CUX1: variants seen among roughly 807,000 people sequenced by gnomAD.
The protein encoded by CUX1 is protein CASP.
CUX1 carries 31 observed loss-of-function variants against 158.8 expected under a neutral mutation model. That is an observed-to-expected ratio of 0.20 (90% confidence interval 0.15 to 0.26). The LOEUF (loss-of-function observed/expected upper bound fraction) is 0.26. Among genes scored for constraint, CUX1 ranks in the 10% least tolerant of loss-of-function variants. The probability of loss-of-function intolerance (pLI) is 1.00; values close to 1 mark genes in which losing one functional copy is unlikely to be tolerated. For missense variants in CUX1, 1,589 were observed against 2,014.6 expected (o/e 0.79, Z 4.04); for synonymous variants, 879 against 862.1 (o/e 1.02, Z -0.34).
chr7:101,897,579 A>T (rs553581153), intron 1 of CUX1, among the ~76,000 whole-genome samples: 1 of 152,310 alleles, frequency 6.6e-6, no homozygotes, highest in African/African-American at 2.4e-5. Flanking sequence ...GATATCTAAC[A>T]ACACAATTGG....
chr7:101,983,219 G>T (rs1047109045), intron 2 of CUX1, among the ~76,000 whole-genome samples: 1 of 152,288 alleles, frequency 6.6e-6, no homozygotes, highest in Non-Finnish European at 1.5e-5. Flanking sequence ...TTGAATATAA[G>T]ATCTTTCTTT....
At chr7:101,908,450 T>TTTTGTTTGTTTGTTTG (rs59267502) in intron 1 of CUX1, among the ~76,000 whole-genome samples, 136 of 150,294 alleles carry the variant, frequency 9.0e-4, no homozygotes, top group Non-Finnish European at 1.1e-3. Flanking sequence ...CCAGCCTGTT[T>TTTTGTTTGTTTGTTTG]TTTGTTTGTT....
intron 11 of CUX1, among the ~76,000 whole-genome samples, chr7:102,181,366 G>T (rs1016205333): frequency 6.6e-6 from 1 of 152,150 alleles, no homozygotes; most frequent in Non-Finnish European, 1.5e-5. Flanking sequence ...CCCCAGCAAC[G>T]GCATTATGAT....
At chr7:102,112,553 CT>C (rs1227436020) in intron 7 of CUX1, among the ~76,000 whole-genome samples, 1 of 143,196 alleles carries the variant, frequency 7.0e-6, no homozygotes, top group African/African-American at 2.7e-5. Flanking sequence ...CTCTCTATTT[CT>C]TTTTTTGTTT....
At chr7:102,163,659 G>C (rs1215187856) in intron 9 of CUX1, among the ~76,000 whole-genome samples, 1 of 152,230 alleles carries the variant, frequency 6.6e-6, no homozygotes, top group Admixed American at 6.5e-5. Context: ...TATTGTGTAA[G>C]TATGGGGAGA....
chr7:101,816,958 G>T (rs989692424), upstream of CUX1: 4 of 983,258 alleles, frequency 4.1e-6, no homozygotes, highest in Non-Finnish European at 4.8e-6. Flanking sequence ...GCGCCCCGGG[G>T]CCACCCGCGC....
downstream of CUX1, among the ~76,000 whole-genome samples, chr7:102,260,481 G>A (rs1016232849): frequency 8.2e-5 from 12 of 146,384 alleles, no homozygotes; most frequent in South Asian, 4.5e-4. Context: ...ATCTCGGCTC[G>A]CTGCAACCTC....
At chr7:101,946,095 G>A (rs947810877) in intron 2 of CUX1, among the ~76,000 whole-genome samples, 2 of 152,318 alleles carry the variant, frequency 1.3e-5, no homozygotes, top group Non-Finnish European at 2.9e-5. Flanking sequence ...GGACTGAGGA[G>A]GTGATGGCAT....
intron 1 of CUX1, among the ~76,000 whole-genome samples, chr7:101,895,891 GT>G (rs66481506): frequency 8.9e-6 from 1 of 112,712 alleles, no homozygotes; most frequent in Non-Finnish European, 1.7e-5. Context: ...CACCTGTAAA[GT>G]TTTTTTTTTG....
At chr7:102,208,247 TG>T (rs1796146746) in intron 20 of CUX1, among the ~76,000 whole-genome samples, 1 of 152,014 alleles carries the variant, frequency 6.6e-6, no homozygotes, top group African/African-American at 2.4e-5. Context: ...AGTGTGTGTG[TG>T]TGTGTGTGTC....
At chr7:101,881,117 G>GA (rs199617848) in intron 1 of CUX1, among the ~76,000 whole-genome samples, 41 of 150,388 alleles carry the variant, frequency 2.7e-4, no homozygotes, top group East Asian at 1.4e-3. Flanking sequence ...AGGGAAGAAA[G>GA]AAAAAAAAAG....
At chr7:102,142,284 C>G (rs1310752140) in intron 8 of CUX1, among the ~76,000 whole-genome samples, 1 of 152,090 alleles carries the variant, frequency 6.6e-6, no homozygotes, top group Non-Finnish European at 1.5e-5. Flanking sequence ...TGAAGTAAAC[C>G]AGGAATGGCA....
intron 2 of CUX1, among the ~76,000 whole-genome samples, chr7:101,974,038 G>A (rs1228498011): frequency 6.6e-6 from 1 of 151,054 alleles, no homozygotes; most frequent in African/African-American, 2.4e-5. Context: ...AAAGTGTTAG[G>A]ATTACAGGCG....
chr7:101,875,264 A>T (rs1289341874), intron 1 of CUX1, among the ~76,000 whole-genome samples: 2 of 152,180 alleles, frequency 1.3e-5, no homozygotes, highest in Non-Finnish European at 2.9e-5. Flanking sequence ...CGTCAGCCAC[A>T]TGCCAGGCCT....
At chr7:102,161,521 T>C (rs1790427531) in intron 9 of CUX1, among the ~76,000 whole-genome samples, 1 of 152,246 alleles carries the variant, frequency 6.6e-6, no homozygotes, top group Non-Finnish European at 1.5e-5. Context: ...GCTACATTAA[T>C]AGAAATACAG....
At chr7:102,176,221 A>T (rs1251873840) in intron 10 of CUX1, among the ~76,000 whole-genome samples, 2 of 152,334 alleles carry the variant, frequency 1.3e-5, no homozygotes, top group East Asian at 3.9e-4. Flanking sequence ...GATATAAAAC[A>T]TTATTTCCCT....
At position 102,030,691 on chromosome 7, in the gene CUX1, G is replaced by GTTTTTTTTTTTTT. The variant is rs71119801; in HGVS notation, c.189+2558_189+2559insTTTTTTTTTTTTT. Among the ~76,000 whole-genome samples the GTTTTTTTTTTTTT allele has an allele frequency of 9.5e-4, 114 of 119,394 alleles. 5 individuals are homozygous for GTTTTTTTTTTTTT. Among genetic ancestry groups the GTTTTTTTTTTTTT allele is most frequent in the East Asian group, 3.3e-3 (12 of 3,644 alleles). The allele number at this position is 119,394 out of a possible 152,430, so 78.3% of individuals were successfully genotyped here. On this transcript the variant is annotated intron_variant, in intron 3 of 23. Coordinates refer to ENST00000292535, the MANE Select transcript of CUX1 (RefSeq NM_181552.4). ...TATCTAATTTTCTATTTTAAAAAGTGTTTTTTTTTTTTGAGACAGGGTCTC... is the reference window on the plus strand; with the variant it reads ...TATCTAATTTTCTATTTTAAAAAGTGTTTTTTTTTTTTTTTTTTTTTTTTTGAGACAGGGTCTC...
intron 2 of CUX1, among the ~76,000 whole-genome samples, chr7:101,973,629 A>G (rs978224623): frequency 6.6e-6 from 1 of 152,110 alleles, no homozygotes; most frequent in African/African-American, 2.4e-5. Context: ...CAGCACCCTT[A>G]ATAGCCCCCA....
chr7:102,052,151 G>T (rs1243735941), intron 3 of CUX1, among the ~76,000 whole-genome samples: 1 of 151,856 alleles, frequency 6.6e-6, no homozygotes, highest in African/African-American at 2.4e-5. Context: ...AACCTGGGAG[G>T]CAGAGGTTGC....
Sources: gnomAD v4.1 joint callset for allele counts (sites outside exome capture counted in the v4.1 genomes callset) on GRCh38, gnomAD v4.1.1 for gene constraint, MANE v1.5 for transcripts, NCBI Gene and HGNC (gene_info 2026-07-23, HGNC 2026-07-21) for gene names.